The following P2RX5 variants were observed in gnomAD, a reference collection of about 807,000 sequenced individuals.
The protein encoded by P2RX5 is P2X purinoceptor 5.
P2RX5 carries 46 observed loss-of-function variants against 54.1 expected under a neutral mutation model. The observed-to-expected ratio is 0.85, with a 90% CI of 0.67 to 1.09. The LOEUF is 1.09. Among genes scored for constraint, P2RX5 ranks in the 50% least tolerant of loss-of-function variants. P2RX5 has a pLI of 0.00. For synonymous variants in P2RX5, 226 were observed against 226.4 expected, an observed-to-expected ratio of 1.00 and a Z score of 0.02; for missense variants, 566 against 549.8, an observed-to-expected ratio of 1.03 and a Z score of -0.29.
In P2RX5 at chr17:3,681,951, T is replaced by C. The variant is rs201106523; in HGVS notation, c.1009A>G (p.Ile337Val). 2 of 1,613,620 alleles carry C rather than the reference T, an allele frequency of 1.2e-6. No individual in the cohort carries two copies. The highest frequency in any genetic ancestry group is 2.2e-5 in the East Asian group (1 of 44,882). ...AACTCTCTCTTTTTGATGAGGTAGATGAGTACCAGGTCGCAGAAGAAAGCA... is the reference window on the plus strand; with the variant it reads ...AACTCTCTCTTTTTGATGAGGTAGACGAGTACCAGGTCGCAGAAGAAAGCA... ...KGAFFCDLVL[I>V]YLIKKREFYR... Residue 337 changes from isoleucine to valine, a missense_variant, in exon 10 of 12, where the codon ATC (isoleucine) becomes GTC (valine). By Grantham distance (29) the Ile-to-Val change is conservative. Coordinates refer to ENST00000225328, the MANE Select transcript of P2RX5 (RefSeq NM_002561.4).
At chr17:3,695,132 A>G (rs942482850) in intron 1 of P2RX5, among the ~76,000 whole-genome samples, 2 of 152,136 alleles carry the variant, frequency 1.3e-5, no homozygotes, top group South Asian at 4.1e-4. Flanking sequence ...GCGCATCCCC[A>G]TTGTCCAGCG....
chr17:3,676,050 C>G, intron 11 of P2RX5: 1 of 985,444 alleles, frequency 1.0e-6, no homozygotes, highest in Non-Finnish European at 1.2e-6. Context: ...CAGAGAGAAC[C>G]CCTCCAAAGA....
At chr17:3,682,005 A>T in intron 9 of P2RX5, 27 bp from the exon 10 acceptor site, 5 of 1,511,152 alleles carry the variant, frequency 3.3e-6, no homozygotes, top group Non-Finnish European at 4.6e-6. Context: ...CCTGATTCAG[A>T]ATCCTAGACC....
At chr17:3,707,365 T>A in the P2RX5 span, among the ~76,000 whole-genome samples, 3 of 152,176 alleles carry the variant, frequency 2.0e-5, no homozygotes, top group African/African-American at 7.2e-5. Context: ...CTAGAGGTAC[T>A]GGTGTCCTTA....
At chr17:3,679,851 AG>A in intron 10 of P2RX5, 67 bp from the exon 11 acceptor site, 1 of 1,408,726 alleles carries the variant, frequency 7.1e-7, no homozygotes. Context: ...AGACGGGCGG[AG>A]TGGGCCTTGA....
chr17:3,723,570 C>T, the P2RX5 span: 1 of 1,166,188 alleles, frequency 8.6e-7, no homozygotes, highest in Non-Finnish European at 1.2e-6. Context: ...CTAGGGAGGG[C>T]CTGGCAGCCC....
chr17:3,722,203 C>T, the P2RX5 span, among the ~76,000 whole-genome samples: 6 of 150,604 alleles, frequency 4.0e-5, no homozygotes, highest in Admixed American at 6.6e-5. Context: ...ACACCTAGGT[C>T]GGGTGCGGTG....
At position 3,688,005 on chromosome 17, in the gene P2RX5, C is replaced by A. The variant is rs372613555; in HGVS notation, c.981+7G>T. ...CCCAGCCTCAGAACAGGAGAAGGCA[C>A]ACGCACCTTGCCGTTCACCATCACG... On this transcript the variant is annotated splice_region_variant and intron_variant, in intron 9 of 11. Coordinates refer to ENST00000225328, the MANE Select transcript of P2RX5 (RefSeq NM_002561.4). 6.7e-7 allele frequency: 1 copy of A among 1,484,380 alleles called. No individual in the cohort carries two copies. Among genetic ancestry groups the A allele is most frequent in the African/African-American group, 1.5e-5 (1 of 68,438 alleles). 92.0% of individuals were successfully genotyped at this position (1,484,380 alleles called of 1,614,324 possible).
chr17:3,676,809 C>G (rs1330717997), intron 11 of P2RX5, among the ~76,000 whole-genome samples: 4 of 152,228 alleles, frequency 2.6e-5, no homozygotes, highest in Admixed American at 2.6e-4. Flanking sequence ...CGCATGTAAT[C>G]CCAGCACTTT....
At chr17:3,693,725 C>T (rs961646758) in intron 1 of P2RX5, among the ~76,000 whole-genome samples, 2 of 151,798 alleles carry the variant, frequency 1.3e-5, no homozygotes, top group Non-Finnish European at 2.9e-5. Flanking sequence ...GCAACAAGAG[C>T]GAAACTCCAT....
At chr17:3,712,373 G>A in the P2RX5 span, among the ~76,000 whole-genome samples, 1 of 152,186 alleles carries the variant, frequency 6.6e-6, no homozygotes, top group South Asian at 2.1e-4. Flanking sequence ...GGCTCCATGA[G>A]AGGTGAATGG....
At position 3,676,769 on chromosome 17, in the gene P2RX5, T is replaced by G. The variant is rs545695186; in HGVS notation, c.1259+2821A>C. 20 of 231,732 alleles carry G rather than the reference T, an allele frequency of 8.6e-5. No individual in the cohort carries two copies. The South Asian group carries it at 2.7e-3, about 31-fold the overall frequency. 14.4% of individuals were successfully genotyped at this position (231,732 alleles called of 1,614,324 possible). On this transcript the variant is annotated intron_variant, in intron 11 of 11. Transcript: ENST00000225328. ...TCCGGTCCCTGGACCCCACTTTAAA[T>G]AGCAAGGCTTGGCCGGGTTTGGTGG...
chr17:3,694,078 A>G (rs916521911), intron 1 of P2RX5, among the ~76,000 whole-genome samples: 2 of 151,714 alleles, frequency 1.3e-5, no homozygotes, highest in Admixed American at 6.6e-5. Context: ...CGGTGTGAAA[A>G]CCACCCAAAT....
At chr17:3,698,478 T>C (rs899158026), upstream of P2RX5, among the ~76,000 whole-genome samples, 1 of 152,140 alleles carries the variant, frequency 6.6e-6, no homozygotes, top group African/African-American at 2.4e-5. Context: ...TTCATTTTTC[T>C]GGGGTGATTA....
At chr17:3,674,449 A>G (rs2050055325) in intron 11 of P2RX5, among the ~76,000 whole-genome samples, 1 of 152,214 alleles carries the variant, frequency 6.6e-6, no homozygotes, top group South Asian at 2.1e-4. Context: ...AAACTGGAAG[A>G]GTGTGACACT....
chr17:3,684,854 TTTTTTTTG>T, intron 9 of P2RX5, among the ~76,000 whole-genome samples: 1 of 146,276 alleles, frequency 6.8e-6, no homozygotes. Context: ...TTTTTTTTTT[TTTTTTTTG>T]GAGATGGAGT....
chr17:3,688,601 C>G, intron 8 of P2RX5, 25 bp downstream of exon 8: 1 of 1,613,896 alleles, frequency 6.2e-7, no homozygotes, highest in East Asian at 2.2e-5. Flanking sequence ...GGTCAGGTCA[C>G]AAGTGGGCAC....
chr17:3,681,871 C>T (rs1269582162), intron 10 of P2RX5, 25 bp downstream of exon 10: 5 of 1,562,494 alleles, frequency 3.2e-6, no homozygotes, highest in Non-Finnish European at 4.4e-6. Context: ...TGCCCTCGGG[C>T]CGCCGGCCTG....
chr17:3,673,989 T>C, intron 11 of P2RX5, 112 bp from the exon 12 acceptor site: 1 of 993,420 alleles, frequency 1.0e-6, no homozygotes, highest in Non-Finnish European at 1.6e-6. Flanking sequence ...AGAGCTACAG[T>C]TCATGCTTCA....
Sources: allele counts gnomAD v4.1 joint callset (sites outside exome capture counted in the v4.1 genomes callset), GRCh38; gene constraint gnomAD v4.1.1; transcripts MANE v1.5; gene names NCBI Gene and HGNC (gene_info 2026-07-23, HGNC 2026-07-21).